DDC: variants seen among roughly 807,000 people sequenced by gnomAD.
The protein encoded by DDC is dopa decarboxylase.
DDC carries 43 observed loss-of-function variants against 60.0 expected under a neutral mutation model. The ratio of observed to expected loss-of-function variants is 0.72; its 90% CI spans 0.56 to 0.92. DDC has a LOEUF of 0.92. Among genes scored for constraint, DDC ranks in the 40% least tolerant of loss-of-function variants. The pLI, the probability that DDC is intolerant of heterozygous loss-of-function variation, is 0.00. For synonymous variants in DDC, 232 were observed against 234.6 expected (o/e 0.99, Z 0.10); for missense variants, 573 against 620.2 (o/e 0.92, Z 0.81).
intron 6 of DDC, among the ~76,000 whole-genome samples, chr7:50,520,717 C>A (rs1222078328): frequency 6.6e-6 from 1 of 152,096 alleles, no homozygotes; most frequent in South Asian, 2.1e-4. Flanking sequence ...AGTTCAAGGC[C>A]AGCCTGACCA....
intron 7 of DDC, among the ~76,000 whole-genome samples, chr7:50,502,121 T>C (rs560128326): frequency 6.6e-6 from 1 of 152,270 alleles, no homozygotes; most frequent in Non-Finnish European, 1.5e-5. Flanking sequence ...CTATGCATTC[T>C]GCCAATGGAT....
intron 14 of DDC, among the ~76,000 whole-genome samples, chr7:50,460,320 GCCCCTCTGCCCGGCC>G (rs2042240691): frequency 7.0e-6 from 1 of 143,188 alleles, no homozygotes; most frequent in African/African-American, 2.7e-5. Context: ...GAAGTGAGGA[GCCCCTCTGCCCGGCC>G]AGCCGCCCCG....
chr7:50,493,046 G>A (rs748772034), intron 9 of DDC: 14 of 1,524,342 alleles, frequency 9.2e-6, no homozygotes, highest in Non-Finnish European at 1.2e-5. Flanking sequence ...CCTTCTTATC[G>A]TGTGTCAATA....
At chr7:50,551,757 A>G (rs940682058) in intron 1 of DDC, among the ~76,000 whole-genome samples, 9 of 152,130 alleles carry the variant, frequency 5.9e-5, no homozygotes, top group Admixed American at 5.9e-4. Flanking sequence ...ATTTGCTTAT[A>G]ATTCTATTCT....
chr7:50,521,480 A>G (rs2153544169), intron 6 of DDC, among the ~76,000 whole-genome samples: 1 of 152,312 alleles, frequency 6.6e-6, no homozygotes, highest in African/African-American at 2.4e-5. Context: ...CTATAGAACA[A>G]TATCTCTCAT....
rs540722857 is a variant in DDC at position 50,525,766 on chromosome 7, A to T, written c.714+2371T>A. ...GTGATAGAGTGAGACTCTGTCTCAA[A>T]AAAATAAAATAAAATAAAATAAGTT... On this transcript the variant is annotated intron_variant, in intron 6 of 14. Coordinates refer to ENST00000444124, the MANE Select transcript of DDC (RefSeq NM_001082971.2). 1.4e-4 allele frequency among the ~76,000 whole-genome samples: 21 copies of T among 152,118 alleles called. No individual in the cohort carries two copies. In the East Asian group the frequency reaches 3.5e-3, roughly 25 times the overall value.
chr7:50,501,650 G>T (rs535604122), intron 7 of DDC, among the ~76,000 whole-genome samples: 1 of 152,292 alleles, frequency 6.6e-6, no homozygotes, highest in Non-Finnish European at 1.5e-5. Flanking sequence ...GAACAGTCCC[G>T]CTTGGAGTTG....
intron 9 of DDC, among the ~76,000 whole-genome samples, chr7:50,485,006 G>C (rs2042851954): frequency 6.6e-6 from 1 of 152,084 alleles, no homozygotes; most frequent in African/African-American, 2.4e-5. Flanking sequence ...ACAAGTTCTA[G>C]AATCAAGTCT....
At chr7:50,532,655 T>C (rs547538777) in intron 4 of DDC, among the ~76,000 whole-genome samples, 11 of 152,336 alleles carry the variant, frequency 7.2e-5, no homozygotes, top group African/African-American at 2.6e-4. Context: ...GCACAAGACA[T>C]AGGCTAAAAC....
intron 7 of DDC, among the ~76,000 whole-genome samples, chr7:50,501,935 A>G (rs2043268267): frequency 6.6e-6 from 1 of 152,224 alleles, no homozygotes; most frequent in South Asian, 2.1e-4. Context: ...TTAGCCAGGC[A>G]TGATGGCATG....
chr7:50,540,965 G>A (rs1025237789), intron 2 of DDC, among the ~76,000 whole-genome samples: 1 of 152,236 alleles, frequency 6.6e-6, no homozygotes, highest in Non-Finnish European at 1.5e-5. Flanking sequence ...GAAGGAGCAG[G>A]TGTAGCCTAG....
At chr7:50,510,116 T>C (rs992770674) in intron 6 of DDC, among the ~76,000 whole-genome samples, 1 of 151,872 alleles carries the variant, frequency 6.6e-6, no homozygotes, top group Non-Finnish European at 1.5e-5. Context: ...GGACTACAGG[T>C]GACTGCCACC....
rs61539310 is a variant in DDC, at chr7:50,478,212, C to CAA, written c.1022-1571_1022-1570dup. 7.3e-3 allele frequency among the ~76,000 whole-genome samples: 1,098 copies of CAA among 149,438 alleles called. 19 individuals are homozygous for CAA. Among genetic ancestry groups the CAA allele is most frequent in the African/African-American group, 0.025 (1,031 of 40,562 alleles). ...TGGGTGACAGAGCCAAACCCTGTCT[C>CAA]AAAAAAAAAAAATTGTCAAAGAACC... On this transcript the variant is annotated intron_variant, in intron 10 of 14. Coordinates refer to ENST00000444124, the MANE Select transcript of DDC (RefSeq NM_001082971.2).
At chr7:50,471,775 A>C (rs1317126144) in intron 11 of DDC, among the ~76,000 whole-genome samples, 1 of 152,166 alleles carries the variant, frequency 6.6e-6, no homozygotes, top group Admixed American at 6.5e-5. Flanking sequence ...TGGGCTGCTC[A>C]AGAACTAAGC....
chr7:50,498,265 A>G (rs11575404), intron 8 of DDC, among the ~76,000 whole-genome samples: 4,114 of 152,376 alleles, frequency 0.027, 94 homozygotes, highest in South Asian at 0.089. Flanking sequence ...AGTCTAATGC[A>G]GAGGACTGTG....
At chr7:50,502,034 A>G (rs1296997621) in intron 7 of DDC, among the ~76,000 whole-genome samples, 1 of 152,088 alleles carries the variant, frequency 6.6e-6, no homozygotes, top group Non-Finnish European at 1.5e-5. Flanking sequence ...AGATTGTGCC[A>G]CTCCAGCCTG....
At chr7:50,459,082 G>T (rs946341155) in intron 14 of DDC, among the ~76,000 whole-genome samples, 47 of 152,200 alleles carry the variant, frequency 3.1e-4, no homozygotes, top group African/African-American at 1.0e-3. Flanking sequence ...TCAGCCTGCC[G>T]AGTGCCTGCG....
At chr7:50,512,389 A>G (rs1049774752) in intron 6 of DDC, among the ~76,000 whole-genome samples, 1 of 152,208 alleles carries the variant, frequency 6.6e-6, no homozygotes, top group Non-Finnish European at 1.5e-5. Context: ...ACTTTTACCT[A>G]CTGGCAGAAT....
chr7:50,504,521 A>C (rs1210916590), intron 6 of DDC, among the ~76,000 whole-genome samples: 1 of 150,896 alleles, frequency 6.6e-6, no homozygotes, highest in African/African-American at 2.4e-5. Context: ...TATACATTTT[A>C]ATTTAATTAT....
Sources: gnomAD v4.1 joint callset for allele counts (sites outside exome capture counted in the v4.1 genomes callset) on GRCh38, gnomAD v4.1.1 for gene constraint, MANE v1.5 for transcripts, NCBI Gene and HGNC (gene_info 2026-07-23, HGNC 2026-07-21) for gene names.